The following MACROD2 variants were observed in gnomAD, a reference collection of about 807,000 sequenced individuals.
MACROD2 encodes ADP-ribose glycohydrolase MACROD2.
MACROD2 carries 36 observed loss-of-function variants against 70.4 expected under a neutral mutation model. That is an observed-to-expected ratio of 0.51 (90% CI 0.39 to 0.68). The LOEUF (loss-of-function observed/expected upper bound fraction) is 0.68, where lower values mean the gene tolerates loss of function less well. Among genes scored for constraint, MACROD2 ranks in the 30% least tolerant of loss-of-function variants. The probability of loss-of-function intolerance (pLI) is 0.00; values close to 1 mark genes in which losing one functional copy is unlikely to be tolerated. For missense variants in MACROD2, 496 were observed against 538.4 expected (o/e 0.92, Z 0.78); for synonymous variants, 172 against 178.8 (o/e 0.96, Z 0.30).
chr20:15,269,158 G>A (rs2077323504), intron 6 of MACROD2, among the ~76,000 whole-genome samples: 1 of 152,200 alleles, frequency 6.6e-6, no homozygotes, highest in Non-Finnish European at 1.5e-5. Context: ...AATTCTCTGT[G>A]GGACACACAT....
At chr20:15,106,712 G>T (rs895789859) in intron 5 of MACROD2, among the ~76,000 whole-genome samples, 12 of 152,070 alleles carry the variant, frequency 7.9e-5, no homozygotes, top group African/African-American at 2.9e-4. Flanking sequence ...GGATAGTGCT[G>T]CCCTACAGAG....
intron 5 of MACROD2, among the ~76,000 whole-genome samples, chr20:14,724,490 G>A (rs568059994): frequency 7.2e-5 from 11 of 152,116 alleles, no homozygotes; most frequent in Non-Finnish European, 1.5e-4. Flanking sequence ...AGCAACATGA[G>A]TAAATGTGCA....
At position 15,728,536 on chromosome 20, in the gene MACROD2, T is replaced by A. The variant is rs545889086; in HGVS notation, c.646-134209T>A. The stretch of plus-strand genomic sequence containing the variant: ...GTGAATTTGTCTGATCCTGGGCTTT[T>A]TCTGGTTGGTAGGCTTTATATTACT... On this transcript the variant is annotated intron_variant, in intron 8 of 17. Coordinates refer to ENST00000684519, the MANE Select transcript of MACROD2 (RefSeq NM_001351661.2). Among the ~76,000 whole-genome samples the A allele has an allele frequency of 2.6e-4, 39 of 152,290 alleles. No homozygotes were observed. In the South Asian group the frequency reaches 5.8e-3, roughly 23 times the overall value.
intron 5 of MACROD2, among the ~76,000 whole-genome samples, chr20:14,819,686 A>C (rs1481175232): frequency 6.6e-6 from 1 of 152,136 alleles, no homozygotes; most frequent in African/African-American, 2.4e-5. Flanking sequence ...GGCTTTCTGC[A>C]GGAAGTAAAT....
At chr20:15,905,299 A>C (rs1601100780) in intron 10 of MACROD2, among the ~76,000 whole-genome samples, 1 of 152,326 alleles carries the variant, frequency 6.6e-6, no homozygotes, top group East Asian at 1.9e-4. Flanking sequence ...ATGAAAGGTG[A>C]TACTAAGTTC....
intron 10 of MACROD2, among the ~76,000 whole-genome samples, chr20:15,896,963 C>T (rs2064982527): frequency 6.6e-6 from 1 of 152,080 alleles, no homozygotes; most frequent in African/African-American, 2.4e-5. Context: ...CTGATTAGTA[C>T]CAGTTGCATT....
intron 3 of MACROD2, among the ~76,000 whole-genome samples, chr20:14,336,158 T>G (rs1214219505): frequency 6.6e-6 from 1 of 152,148 alleles, no homozygotes; most frequent in African/African-American, 2.4e-5. Context: ...TGAAAGGCAT[T>G]GCTACAGCTG....
At chr20:14,225,454 A>T (rs2081723866) in intron 3 of MACROD2, among the ~76,000 whole-genome samples, 1 of 152,190 alleles carries the variant, frequency 6.6e-6, no homozygotes, top group African/African-American at 2.4e-5. Flanking sequence ...TCTTTGAAAA[A>T]GTATATTCAT....
chr20:14,920,356 A>G (rs2074146731), intron 5 of MACROD2, among the ~76,000 whole-genome samples: 1 of 152,188 alleles, frequency 6.6e-6, no homozygotes, highest in Admixed American at 6.5e-5. Flanking sequence ...AATCTAAAAC[A>G]GAGATGTTCC....
chr20:15,090,268 G>C (rs2075783254), intron 5 of MACROD2, among the ~76,000 whole-genome samples: 1 of 151,994 alleles, frequency 6.6e-6, no homozygotes, highest in Non-Finnish European at 1.5e-5. Context: ...TAGGTTTAGG[G>C]TTAAGAATGC....
At chr20:15,246,518 A>T (rs116810582) in intron 6 of MACROD2, among the ~76,000 whole-genome samples, 4,258 of 151,802 alleles carry the variant, frequency 0.028, 94 homozygotes, top group Non-Finnish European at 0.041. Flanking sequence ...ATTTTTTTTT[A>T]TTAGTGAAAT....
chr20:14,660,548 A>G (rs1337278797), intron 4 of MACROD2, among the ~76,000 whole-genome samples: 2 of 152,132 alleles, frequency 1.3e-5, no homozygotes, highest in African/African-American at 4.8e-5. Context: ...AATCAGATAA[A>G]TTTTTATTTT....
intron 8 of MACROD2, among the ~76,000 whole-genome samples, chr20:15,774,045 TTC>T (rs11469190): frequency 0.2 from 30,192 of 152,008 alleles, 3,058 homozygotes; most frequent in Non-Finnish European, 0.22. Flanking sequence ...GGAAAATATT[TTC>T]TCTCTTTCTC....
chr20:15,434,545 A>T (rs187771903), intron 7 of MACROD2, among the ~76,000 whole-genome samples: 10 of 152,284 alleles, frequency 6.6e-5, no homozygotes, highest in Non-Finnish European at 1.5e-4. Flanking sequence ...ATGTGGTGGA[A>T]AGGGAACACA....
chr20:14,914,006 C>T (rs1238408598), intron 5 of MACROD2, among the ~76,000 whole-genome samples: 3 of 152,100 alleles, frequency 2.0e-5, no homozygotes, highest in Admixed American at 1.3e-4. Flanking sequence ...CTGCAGATAC[C>T]GCATACTCTA....
At chr20:14,659,694 A>T (rs1986136937) in intron 4 of MACROD2, among the ~76,000 whole-genome samples, 1 of 152,120 alleles carries the variant, frequency 6.6e-6, no homozygotes. Context: ...TGGCATGCCC[A>T]CTCAGACATA....
In MACROD2 at chr20:15,729,831, C is replaced by CTTTTTTTTTTTTTTTTTTTTTTTTT. The variant is rs61542762; in HGVS notation, c.646-132899_646-132898insTTTTTTTTTTTTTTTTTTTTTTTTT. Reference sequence around the variant, plus strand: ...GAACACAGCATGCAGTTGGGTCATGCTTTTTTTTTTTTTTTGGATGGAGTT... The same window carrying CTTTTTTTTTTTTTTTTTTTTTTTTT: ...GAACACAGCATGCAGTTGGGTCATGCTTTTTTTTTTTTTTTTTTTTTTTTTTTTTTTTTTTTTTTTGGATGGAGTT... On this transcript the variant is annotated intron_variant, in intron 8 of 17. Transcript: ENST00000684519. Among the ~76,000 whole-genome samples, 4 of 64,776 alleles carry CTTTTTTTTTTTTTTTTTTTTTTTTT rather than the reference C, an allele frequency of 6.2e-5. 1 individual carries two copies. Among genetic ancestry groups the CTTTTTTTTTTTTTTTTTTTTTTTTT allele is most frequent in the Non-Finnish European group, 8.4e-5 (3 of 35,868 alleles). 42.5% of individuals were successfully genotyped at this position (64,776 alleles called of 152,430 possible).
intron 8 of MACROD2, among the ~76,000 whole-genome samples, chr20:15,738,173 T>C (rs928024506): frequency 2.0e-5 from 3 of 152,158 alleles, no homozygotes; most frequent in Non-Finnish European, 4.4e-5. Flanking sequence ...CTGTACATTT[T>C]AAAGTAACTG....
At chr20:14,731,000 CACACACACAT>C (rs889132413) in intron 5 of MACROD2, among the ~76,000 whole-genome samples, 2 of 112,400 alleles carry the variant, frequency 1.8e-5, no homozygotes, top group East Asian at 4.1e-4. Flanking sequence ...CACACACACA[CACACACACAT>C]GCACACACAC....
Sources: allele counts gnomAD v4.1 joint callset (sites outside exome capture counted in the v4.1 genomes callset), GRCh38; gene constraint gnomAD v4.1.1; transcripts MANE v1.5; gene names NCBI Gene and HGNC (gene_info 2026-07-23, HGNC 2026-07-21).